CD8B: variants seen among roughly 807,000 people sequenced by gnomAD.
CD8B encodes T-cell surface glycoprotein CD8 beta chain.
Under a neutral mutation model 24.2 loss-of-function variants are expected in CD8B, and 6 were observed. The observed-to-expected ratio is 0.25, with a 90% CI of 0.14 to 0.49. The LOEUF (loss-of-function observed/expected upper bound fraction) is 0.49. CD8B is among the 20% of genes least tolerant of loss of function. CD8B has a pLI of 0.98. For synonymous variants in CD8B, 84 were observed against 108.3 expected (o/e 0.78, Z 1.39); for missense variants, 196 against 271.3 (o/e 0.72, Z 1.95).
downstream of CD8B, among the ~76,000 whole-genome samples, chr2:86,833,746 A>G (rs1288500904): frequency 6.7e-6 from 1 of 149,356 alleles, no homozygotes; most frequent in Non-Finnish European, 1.5e-5. Context: ...AAACTTCTGG[A>G]CTAAAGTGAC....
rs182554001 is a variant in CD8B, at chr2:86,841,600, G to A, written c.*707C>T. On this transcript the variant is annotated 3_prime_UTR_variant, in exon 6 of 6. Coordinates refer to ENST00000390655, the MANE Select transcript of CD8B (RefSeq NM_004931.5). The stretch of plus-strand genomic sequence containing the variant: ...GGAGCCGTTTGTTATCTTTAACCTG[G>A]GACTTTATTTGTACAACTAAGACAT... 2.8e-4 allele frequency: 275 copies of A among 985,148 alleles called. No homozygotes were observed. In the African/African-American group the frequency reaches 4.5e-3, roughly 16 times the overall value. The allele number at this position is 985,148 out of a possible 1,614,324, so 61.0% of individuals were successfully genotyped here. A position where few individuals can be genotyped will look rare whatever the true frequency, so the allele number is the denominator to read the frequency against.
At chr2:86,828,306 T>G in intron 5 of CD8B, among the ~76,000 whole-genome samples, 1 of 143,510 alleles carries the variant, frequency 7.0e-6, no homozygotes, top group Non-Finnish European at 1.5e-5. Flanking sequence ...ATAACTGGAA[T>G]TGTGTGTGTG....
intron 5 of CD8B, among the ~76,000 whole-genome samples, chr2:86,830,506 G>A (rs1674865618): frequency 6.6e-6 from 1 of 151,964 alleles, no homozygotes; most frequent in Non-Finnish European, 1.5e-5. Context: ...GGCAGAAGTT[G>A]CAGTGAGCCA....
intron 1 of CD8B, among the ~76,000 whole-genome samples, chr2:86,860,360 TG>T (rs1676512002): frequency 6.6e-6 from 1 of 152,206 alleles, no homozygotes; most frequent in African/African-American, 2.4e-5. Context: ...GACTTCCTCT[TG>T]TTTCCCCAAA....
chr2:86,850,475 G>A (rs1293725567), intron 3 of CD8B, among the ~76,000 whole-genome samples: 2 of 152,160 alleles, frequency 1.3e-5, no homozygotes, highest in Non-Finnish European at 2.9e-5. Context: ...AGTGCCTGGT[G>A]TATAATAGCA....
At chr2:86,818,221 T>TAAAAAA (rs1488083289) in intron 5 of CD8B, among the ~76,000 whole-genome samples, 54 of 151,604 alleles carry the variant, frequency 3.6e-4, no homozygotes, top group African/African-American at 1.3e-3. Flanking sequence ...AATAAATAAA[T>TAAAAAA]AAATAAAAAT....
At chr2:86,827,954 TG>T (rs1488684536) in intron 5 of CD8B, among the ~76,000 whole-genome samples, 2 of 152,156 alleles carry the variant, frequency 1.3e-5, no homozygotes, top group African/African-American at 4.8e-5. Flanking sequence ...TCCCATGTGC[TG>T]GGGGATGGGG....
chr2:86,851,855 C>T (rs140326292), intron 3 of CD8B, among the ~76,000 whole-genome samples: 2 of 152,332 alleles, frequency 1.3e-5, no homozygotes, highest in African/African-American at 4.8e-5. Context: ...ATGTGGCATA[C>T]ACTCCAGCTG....
intron 2 of CD8B, among the ~76,000 whole-genome samples, chr2:86,854,550 G>A (rs934530113): frequency 3.3e-5 from 5 of 152,154 alleles, no homozygotes; most frequent in African/African-American, 1.2e-4. Context: ...TCCTGGATGG[G>A]TCACCCCTCT....
At chr2:86,860,731 G>A (rs1244678525) in intron 1 of CD8B, among the ~76,000 whole-genome samples, 1 of 152,220 alleles carries the variant, frequency 6.6e-6, no homozygotes, top group Non-Finnish European at 1.5e-5. Context: ...GGGGCTGCAA[G>A]TACACAGGTG....
intron 3 of CD8B, among the ~76,000 whole-genome samples, chr2:86,848,904 A>T (rs1360376884): frequency 3.3e-5 from 5 of 152,066 alleles, no homozygotes. Context: ...TTTAGTAGAG[A>T]TGGGTTTTCA....
downstream of CD8B, chr2:86,815,479 C>A (rs1674196786): frequency 1.5e-6 from 1 of 681,314 alleles, no homozygotes; most frequent in East Asian, 2.6e-5. Flanking sequence ...GAACTTGAGC[C>A]CCCTATGACT....
chr2:86,832,827 T>A (rs1230232520), intron 5 of CD8B, among the ~76,000 whole-genome samples: 1 of 152,174 alleles, frequency 6.6e-6, no homozygotes, highest in African/African-American at 2.4e-5. Flanking sequence ...AAAAGAGGAA[T>A]ACTTTTGTTT....
At chr2:86,823,744 T>C (rs879455983) in intron 5 of CD8B, among the ~76,000 whole-genome samples, 3 of 152,016 alleles carry the variant, frequency 2.0e-5, no homozygotes, top group Non-Finnish European at 4.4e-5. Context: ...AAGAAGCACA[T>C]GTGGTCTCTC....
intron 3 of CD8B, among the ~76,000 whole-genome samples, chr2:86,850,660 C>T (rs553932556): frequency 1.3e-5 from 2 of 152,284 alleles, no homozygotes; most frequent in Non-Finnish European, 2.9e-5. Flanking sequence ...TCAGTGTAAC[C>T]TCCACCTACT....
intron 5 of CD8B, among the ~76,000 whole-genome samples, chr2:86,827,350 G>A (rs1674731840): frequency 6.6e-6 from 1 of 152,088 alleles, no homozygotes; most frequent in Non-Finnish European, 1.5e-5. Context: ...CTGGGGGCCT[G>A]GTGTGGTGGC....
chr2:86,832,300 GAAA>G (rs1558751496), intron 5 of CD8B, among the ~76,000 whole-genome samples: 5 of 151,974 alleles, frequency 3.3e-5, no homozygotes, highest in Admixed American at 6.6e-5. Context: ...CCAACATGGT[GAAA>G]CCTCGTCTCT....
At chr2:86,825,254 G>A (rs913305248) in intron 5 of CD8B, among the ~76,000 whole-genome samples, 1 of 152,166 alleles carries the variant, frequency 6.6e-6, no homozygotes, top group Non-Finnish European at 1.5e-5. Flanking sequence ...ACATAAAAGG[G>A]GCAGGTGTGC....
At chr2:86,821,880 T>G in intron 5 of CD8B, 1 of 262,258 alleles carries the variant, frequency 3.8e-6, no homozygotes. Flanking sequence ...CAGCTCGTTC[T>G]GCCTTCTTTC....
Sources: allele counts gnomAD v4.1 joint callset (sites outside exome capture counted in the v4.1 genomes callset), GRCh38; gene constraint gnomAD v4.1.1; transcripts MANE v1.5; gene names NCBI Gene and HGNC (gene_info 2026-07-23, HGNC 2026-07-21).